The following KMT2C variants were observed in gnomAD, a reference collection of about 807,000 sequenced individuals.
The protein encoded by KMT2C is lysine methyltransferase 2C.
A neutral mutation model predicts 507.9 loss-of-function variants in KMT2C; 88 were observed. That is an observed-to-expected ratio of 0.17 (90% CI 0.15 to 0.21). The LOEUF (loss-of-function observed/expected upper bound fraction) is 0.21. Among genes scored for constraint, KMT2C ranks in the 10% least tolerant of loss-of-function variants. The pLI is 1.00. For missense variants in KMT2C, 4,954 were observed against 5,957.8 expected, an observed-to-expected ratio of 0.83 and a Z score of 5.55; for synonymous variants, 2,049 against 2,080.8, an observed-to-expected ratio of 0.98 and a Z score of 0.42.
intron 14 of KMT2C, among the ~76,000 whole-genome samples, chr7:152,242,936 T>G (rs1287580702): frequency 8.5e-5 from 13 of 152,232 alleles, no homozygotes; most frequent in African/African-American, 2.9e-4. Context: ...AAACAGTAAG[T>G]CTAATTTAGG....
chr7:152,261,782 GAAGAT>G (rs2095783541), intron 9 of KMT2C, among the ~76,000 whole-genome samples: 1 of 152,194 alleles, frequency 6.6e-6, no homozygotes, highest in Non-Finnish European at 1.5e-5. Context: ...GGAACTGAGT[GAAGAT>G]AAGAGTGTAA....
intron 1 of KMT2C, among the ~76,000 whole-genome samples, chr7:152,400,032 G>C (rs993353700): frequency 3.3e-5 from 5 of 152,118 alleles, no homozygotes; most frequent in Non-Finnish European, 5.9e-5. Flanking sequence ...CTAGAGGCCG[G>C]GCGTGGGGGT....
chr7:152,385,611 CAAAAAAAAAAAAAAAAAA>C lies in KMT2C; in HGVS notation c.162-26954_162-26937del, dbSNP rs1160527130. Among the ~76,000 whole-genome samples, 116 of 19,436 alleles carry C rather than the reference CAAAAAAAAAAAAAAAAAA, an allele frequency of 6.0e-3. 2 individuals are homozygous for C. Among genetic ancestry groups the C allele is most frequent in the South Asian group, 0.012 (5 of 404 alleles). The allele number at this position is 19,436 out of a possible 152,430, so 12.8% of individuals were successfully genotyped here. A position where few individuals can be genotyped will look rare whatever the true frequency, so the allele number is the denominator to read the frequency against. ...TGGGCGACAGAGCGAGACTCCGTCTCAAAAAAAAAAAAAAAAAAAAAAAAAAAAAAAAAAAAAATTGAG... is the reference window on the plus strand; with the variant it reads ...TGGGCGACAGAGCGAGACTCCGTCTCAAAAAAAAAAAAAAAAAAAATTGAG... On this transcript the variant is annotated intron_variant, in intron 1 of 58. Transcript: ENST00000262189.
chr7:152,294,951 A>T (rs2129188431), intron 6 of KMT2C, among the ~76,000 whole-genome samples: 1 of 152,298 alleles, frequency 6.6e-6, no homozygotes, highest in East Asian at 1.9e-4. Context: ...ACTGCTAGTT[A>T]GGAAAACTGT....
At chr7:152,222,089 AG>A in intron 21 of KMT2C, 23 bp from the exon 22 acceptor site, 2 of 1,548,264 alleles carry the variant, frequency 1.3e-6, no homozygotes, top group Non-Finnish European at 1.8e-6. Context: ...AAAAAAATCC[AG>A]GTAATTCTTT....
rs1183345172 is a variant in KMT2C at position 152,249,673 on chromosome 7, C to CAAAAAAAA, written c.1813+195_1813+202dup. 3.8e-4 allele frequency among the ~76,000 whole-genome samples: 13 copies of CAAAAAAAA among 34,510 alleles called. 1 individual carries two copies. The highest frequency in any genetic ancestry group is 2.3e-3 in the East Asian group (2 of 864). 22.6% of individuals were successfully genotyped at this position (34,510 alleles called of 152,430 possible). A position where few individuals can be genotyped will look rare whatever the true frequency, so the allele number is the denominator to read the frequency against. On this transcript the variant is annotated intron_variant, in intron 13 of 58. Transcript: ENST00000262189. ...ATTTTTAATCATGACCTCCCCCCTC[C>CAAAAAAAA]AAAAAAAAAAAAAAAAAAAAAAAAA...
chr7:152,335,755 A>G (rs2096927938), intron 2 of KMT2C, among the ~76,000 whole-genome samples: 1 of 152,214 alleles, frequency 6.6e-6, no homozygotes, highest in South Asian at 2.1e-4. Flanking sequence ...AAGAAGCAGG[A>G]CAATGTCTAT....
Position 152,187,350 on chromosome 7 carries a change from C to G in KMT2C, c.4920G>C (p.Glu1640Asp), listed in dbSNP as rs2129124630. 6.2e-7 allele frequency: 1 copy of G among 1,614,144 alleles called. No individual in the cohort carries two copies. Among genetic ancestry groups the G allele is most frequent in the Non-Finnish European group, 8.5e-7 (1 of 1,180,008 alleles). ...CCATTTCACCCAGAGCCTCCTCTTTCTCCCACTTAAGCGTGCTTCTCTGGG... is the reference window on the plus strand; with the variant it reads ...CCATTTCACCCAGAGCCTCCTCTTTGTCCCACTTAAGCGTGCTTCTCTGGG... ...SNAQRSTLKW[E>D]KEEALGEMAT... The change falls in exon 33 of 59, where the codon GAG becomes GAC. Residue 1640 changes from glutamate to aspartate, a missense_variant. This residue lies in a region of KMT2C where 195 missense variants were observed against 183.7 expected (regional missense o/e 1.06). Transcript: ENST00000262189.
At chr7:152,215,711 A>AATAT (rs751875357) in intron 23 of KMT2C, among the ~76,000 whole-genome samples, 10 of 139,218 alleles carry the variant, frequency 7.2e-5, no homozygotes, top group Non-Finnish European at 1.0e-4. Flanking sequence ...ACACACACAA[A>AATAT]ATATATATAT....
At position 152,345,307 on chromosome 7, in the gene KMT2C, G is replaced by A. The variant is rs370541712; in HGVS notation, c.250+13280C>T. 2.0e-5 allele frequency among the ~76,000 whole-genome samples: 3 copies of A among 152,104 alleles called. No individual in the cohort carries two copies. The East Asian group carries it at 5.8e-4, about 29-fold the overall frequency. Reference sequence around the variant, plus strand: ...CACCAGTAGTCCCAGCTACTTGGGAGGCTGAGCACAGGTAGTCCCAGCTAC... The same window carrying A: ...CACCAGTAGTCCCAGCTACTTGGGAAGCTGAGCACAGGTAGTCCCAGCTAC... On this transcript the variant is annotated intron_variant, in intron 2 of 58. Coordinates refer to ENST00000262189, the MANE Select transcript of KMT2C (RefSeq NM_170606.3).
intron 1 of KMT2C, chr7:152,366,881 G>C: frequency 2.9e-6 from 1 of 349,872 alleles, no homozygotes. Flanking sequence ...GGCGCAGCAA[G>C]GGCCAGACGC....
intron 3 of KMT2C, among the ~76,000 whole-genome samples, chr7:152,321,150 C>T (rs1353142632): frequency 6.6e-6 from 1 of 151,914 alleles, no homozygotes; most frequent in Non-Finnish European, 1.5e-5. Flanking sequence ...AGGAGAATCG[C>T]TTGAACCTAG....
chr7:152,355,937 T>C (rs543710871), intron 2 of KMT2C, among the ~76,000 whole-genome samples: 1 of 152,168 alleles, frequency 6.6e-6, no homozygotes, highest in African/African-American at 2.4e-5. Flanking sequence ...CCCCTTATGC[T>C]AATGAAATCA....
intron 25 of KMT2C, among the ~76,000 whole-genome samples, chr7:152,204,123 C>A (rs1248857934): frequency 6.6e-6 from 1 of 151,448 alleles, no homozygotes; most frequent in Non-Finnish European, 1.5e-5. Flanking sequence ...CTGCTCACCA[C>A]CAATAGCAAA....
chr7:152,341,431 G>A (rs779061807), intron 2 of KMT2C, among the ~76,000 whole-genome samples: 16 of 152,208 alleles, frequency 1.1e-4, no homozygotes, highest in Non-Finnish European at 2.1e-4. Context: ...CTAAACCATC[G>A]AAGCAGTCAG....
At chr7:152,420,921 T>C (rs930528484) in intron 1 of KMT2C, among the ~76,000 whole-genome samples, 5 of 150,950 alleles carry the variant, frequency 3.3e-5, no homozygotes, top group African/African-American at 4.9e-5. Context: ...TTAATGTAAA[T>C]GACAAGTTAA....
intron 9 of KMT2C, among the ~76,000 whole-genome samples, chr7:152,258,226 CACA>C (rs2095695504): frequency 6.6e-6 from 1 of 152,110 alleles, no homozygotes; most frequent in Non-Finnish European, 1.5e-5. Context: ...GTGGTGAGGG[CACA>C]ACACCAGCGC....
intron 39 of KMT2C, among the ~76,000 whole-genome samples, chr7:152,173,552 C>A (rs1158390488): frequency 6.6e-6 from 1 of 152,164 alleles, no homozygotes; most frequent in Non-Finnish European, 1.5e-5. Flanking sequence ...TGGTTAACAA[C>A]CCTTAGAGGG....
intron 37 of KMT2C, among the ~76,000 whole-genome samples, chr7:152,179,023 TTCTG>T (rs371932505): frequency 9.3e-4 from 141 of 152,306 alleles, no homozygotes; most frequent in African/African-American, 3.2e-3. Context: ...CAGAGTCTCG[TTCTG>T]TCTCCCAGGC....
Sources: allele counts gnomAD v4.1 joint callset (sites outside exome capture counted in the v4.1 genomes callset), GRCh38; gene constraint gnomAD v4.1.1; regional missense constraint gnomAD v4.1.1; transcripts MANE v1.5; gene names NCBI Gene and HGNC (gene_info 2026-07-23, HGNC 2026-07-21).